Variants in CAMK2A observed in about 807,000 individuals in gnomAD.
The protein encoded by CAMK2A is calcium/calmodulin dependent protein kinase II alpha, also known as calcium/calmodulin-dependent protein kinase type II subunit alpha.
CAMK2A carries 7 observed loss-of-function variants against 79.2 expected under a neutral mutation model. The observed-to-expected ratio is 0.09, with a 90% CI of 0.05 to 0.17. The LOEUF is 0.17. Ranked by LOEUF, CAMK2A falls within the 10% of genes least tolerant of loss-of-function variation. The pLI, the probability that CAMK2A is intolerant of heterozygous loss-of-function variation, is 1.00. For missense variants in CAMK2A, 214 were observed against 646.4 expected, an observed-to-expected ratio of 0.33 and a Z score of 7.25; for synonymous variants, 242 against 251.7, an observed-to-expected ratio of 0.96 and a Z score of 0.36.
chr5:150,253,689 G>A (rs531843064), intron 6 of CAMK2A, 143 bp from the exon 7 acceptor site: 318 of 666,128 alleles, frequency 4.8e-4, no homozygotes, highest in Non-Finnish European at 7.8e-4. Context: ...CTCCAGCCCC[G>A]CCTCAGGCTC....
chr5:150,278,942 G>A (rs960346062), intron 1 of CAMK2A, among the ~76,000 whole-genome samples: 4 of 152,162 alleles, frequency 2.6e-5, no homozygotes, highest in African/African-American at 9.7e-5. Flanking sequence ...TGGGGGGAGA[G>A]ACAGACAGGC....
chr5:150,250,808 G>A lies in CAMK2A; in HGVS notation c.696C>T (p.Phe232=). The A allele has an allele frequency of 2.5e-6, 4 of 1,613,966 alleles. No individual in the cohort carries two copies. Among genetic ancestry groups the A allele is most frequent in the Non-Finnish European group, 3.4e-6 (4 of 1,179,862 alleles). The change falls in exon 10 of 19, where the codon TTC becomes TTT. Residue 232 remains phenylalanine (F), a splice_region_variant and synonymous_variant. Coordinates refer to ENST00000671881, the MANE Select transcript of CAMK2A (RefSeq NM_015981.4). The stretch of plus-strand genomic sequence containing the variant: ...TGACAGTGTCCCATTCCGGCGATGG[G>A]AACTGGAAGGGGCAGAGAGGCCAGG... ...YQQIKAGAYD[F]PSPEWDTVTP... is the part of the protein sequence containing the mutation.
At chr5:150,231,404 A>AAATAATAAT (rs35699794) in intron 15 of CAMK2A, 24 bp from the exon 16 acceptor site, 29 of 493,326 alleles carry the variant, frequency 5.9e-5, no homozygotes, top group East Asian at 1.5e-4. Flanking sequence ...GGGGACACAG[A>AAATAATAAT]AATAATAATA....
chr5:150,239,668 A>G, intron 14 of CAMK2A, 36 bp downstream of exon 14: 1 of 1,609,344 alleles, frequency 6.2e-7, no homozygotes, highest in Non-Finnish European at 8.5e-7. Flanking sequence ...TTCGAGGCCC[A>G]GCATTTACCG....
At chr5:150,245,388 C>A (rs1755525195) in intron 12 of CAMK2A, 187 bp from the exon 13 acceptor site, 1 of 613,940 alleles carries the variant, frequency 1.6e-6, no homozygotes, top group Non-Finnish European at 2.9e-6. Flanking sequence ...TCCTTGGAGG[C>A]CCAGGGACTG....
chr5:150,220,567 G>C lies in CAMK2A; in HGVS notation c.*2143C>G, dbSNP rs1754259513. ...TGCTCGGTAATTACAGCAGCCCCTG[G>C]TGAAGGCCACACCCTCACCCTTGAC... On this transcript the variant is annotated 3_prime_UTR_variant, in exon 19 of 19. Transcript: ENST00000671881. The C allele has an allele frequency of 6.6e-6, 1 of 152,370 alleles. No individual in the cohort carries two copies. The highest frequency in any genetic ancestry group is 1.5e-5 in the Non-Finnish European group (1 of 68,058). 9.4% of individuals were successfully genotyped at this position (152,370 alleles called of 1,614,324 possible).
At chr5:150,253,903 C>G (rs1255892788) in intron 6 of CAMK2A, among the ~76,000 whole-genome samples, 1 of 152,212 alleles carries the variant, frequency 6.6e-6, no homozygotes, top group Non-Finnish European at 1.5e-5. Context: ...TACTATATGT[C>G]AGCTGCTGGG....
chr5:150,236,150 A>T (rs1484894145), intron 15 of CAMK2A, among the ~76,000 whole-genome samples: 1 of 152,196 alleles, frequency 6.6e-6, no homozygotes, highest in Non-Finnish European at 1.5e-5. Flanking sequence ...GCAGAGGATA[A>T]TGACGGCAAA....
chr5:150,232,776 A>ACCACC, intron 15 of CAMK2A, among the ~76,000 whole-genome samples: 1 of 152,202 alleles, frequency 6.6e-6, no homozygotes, highest in East Asian at 1.9e-4. Flanking sequence ...CCCACACCAC[A>ACCACC]CCACCCCACA....
chr5:150,243,499 G>A (rs1296765133), intron 13 of CAMK2A, among the ~76,000 whole-genome samples: 2 of 152,204 alleles, frequency 1.3e-5, no homozygotes, highest in Non-Finnish European at 2.9e-5. Flanking sequence ...CAGCAGGCAA[G>A]CCAAAATTCA....
rs555373792 is a variant in CAMK2A at position 150,229,315 on chromosome 5, C to T, written c.1143-1029G>A. Among the ~76,000 whole-genome samples the T allele has an allele frequency of 2.6e-5, 4 of 152,338 alleles. No individual in the cohort carries two copies. The South Asian group carries it at 6.2e-4, about 24-fold the overall frequency. On this transcript the variant is annotated intron_variant, in intron 16 of 18. Coordinates refer to ENST00000671881, the MANE Select transcript of CAMK2A (RefSeq NM_015981.4). ...GCTGGGGGACTGTGCTCAGACCAAACGGGATGCCCAGGACCCTTCCAGCTC... is the reference window on the plus strand; with the variant it reads ...GCTGGGGGACTGTGCTCAGACCAAATGGGATGCCCAGGACCCTTCCAGCTC...
chr5:150,276,165 G>A (rs1441429356), intron 1 of CAMK2A, among the ~76,000 whole-genome samples: 1 of 152,284 alleles, frequency 6.6e-6, no homozygotes. Context: ...ACAAGGGTTT[G>A]GGGAGCTCTG....
chr5:150,266,123 C>A (rs755827888), intron 2 of CAMK2A, among the ~76,000 whole-genome samples: 15 of 152,120 alleles, frequency 9.9e-5, no homozygotes, highest in Non-Finnish European at 1.9e-4. Flanking sequence ...TGCAGGGGCC[C>A]ACCCAGAGCT....
chr5:150,274,489 T>A (rs968508340), intron 1 of CAMK2A, among the ~76,000 whole-genome samples: 1 of 152,184 alleles, frequency 6.6e-6, no homozygotes, highest in African/African-American at 2.4e-5. Context: ...TTTTGCACTC[T>A]TTGCCAAAAA....
At position 150,256,429 on chromosome 5, in the gene CAMK2A, G is replaced by C; in HGVS notation, c.411+144C>G. 1 of 624,366 alleles carries C rather than the reference G, an allele frequency of 1.6e-6. No homozygotes were observed. The highest frequency in any genetic ancestry group is 2.9e-6 in the Non-Finnish European group (1 of 349,922). 38.7% of individuals were successfully genotyped at this position (624,366 alleles called of 1,614,324 possible). A position where few individuals can be genotyped will look rare whatever the true frequency, so the allele number is the denominator to read the frequency against. On this transcript the variant is annotated intron_variant, in intron 6 of 18. Coordinates refer to ENST00000671881, the MANE Select transcript of CAMK2A (RefSeq NM_015981.4). The surrounding 1 kb of genome is among the most constrained non-coding windows in gnomAD (Gnocchi z 4.6). ...CTCTGCTTCCTCATCTGAACAGTGG[G>C]GAAAATAATCTCACCCACCCCACCT...
chr5:150,257,710 C>G lies in CAMK2A; in HGVS notation c.218-93G>C, dbSNP rs532515735. ...CCCCTCCCGTGTATATCCAACACCC[C>G]CCGCTCCCAGACAGTCACTGAGTAT... On this transcript the variant is annotated intron_variant, in intron 3 of 18. Transcript: ENST00000671881. 115 of 991,544 alleles carry G rather than the reference C, an allele frequency of 1.2e-4. No individual in the cohort carries two copies. In the African/African-American group the frequency reaches 1.5e-3, roughly 13 times the overall value. 61.4% of individuals were successfully genotyped at this position (991,544 alleles called of 1,614,324 possible). A position where few individuals can be genotyped will look rare whatever the true frequency, so the allele number is the denominator to read the frequency against.
chr5:150,246,774 G>T (rs946546580), intron 12 of CAMK2A, among the ~76,000 whole-genome samples: 2 of 152,210 alleles, frequency 1.3e-5, no homozygotes, highest in African/African-American at 4.8e-5. Context: ...CCACCTCTGG[G>T]TCTCACTCCT....
intron 3 of CAMK2A, among the ~76,000 whole-genome samples, chr5:150,264,582 G>A (rs550726021): frequency 2.0e-5 from 3 of 152,336 alleles, no homozygotes; most frequent in Admixed American, 1.3e-4. Flanking sequence ...ACGGAGGAGG[G>A]CAGGGCCACG....
chr5:150,262,154 C>T (rs1022347482), intron 3 of CAMK2A, among the ~76,000 whole-genome samples: 2 of 152,208 alleles, frequency 1.3e-5, no homozygotes, highest in Admixed American at 1.3e-4. Flanking sequence ...TGCTGAGCCT[C>T]ACTGACCTGG....
Sources: gnomAD v4.1 joint callset for allele counts (sites outside exome capture counted in the v4.1 genomes callset) on GRCh38, gnomAD v4.1.1 for gene constraint, Gnocchi (gnomAD v3.1) non-coding constraint, MANE v1.5 for transcripts, NCBI Gene and HGNC (gene_info 2026-07-23, HGNC 2026-07-21) for gene names.